TFCP2L1: variants seen among roughly 807,000 people sequenced by gnomAD.
TFCP2L1 encodes the protein transcription factor CP2-like protein 1.
A neutral mutation model predicts 72.2 loss-of-function variants in TFCP2L1; 12 were observed. The observed-to-expected ratio is 0.17, with a 90% CI of 0.11 to 0.27. TFCP2L1 has a LOEUF of 0.27. Among genes scored for constraint, TFCP2L1 ranks in the 10% least tolerant of loss-of-function variants. TFCP2L1 has a pLI of 1.00. For synonymous variants in TFCP2L1, 260 were observed against 251.0 expected (o/e 1.04, Z -0.34); for missense variants, 488 against 624.6 (o/e 0.78, Z 2.33).
chr2:121,261,111 G>A (rs904601758), intron 2 of TFCP2L1, among the ~76,000 whole-genome samples: 14 of 152,246 alleles, frequency 9.2e-5, no homozygotes, highest in African/African-American at 2.9e-4. Flanking sequence ...GACACAGAGC[G>A]CTCACACAGA....
Position 121,246,976 on chromosome 2 carries a change from A to T in TFCP2L1, c.505-6T>A. On this transcript the variant is annotated splice_polypyrimidine_tract_variant and splice_region_variant and intron_variant, in intron 5 of 14. Coordinates refer to ENST00000263707, the MANE Select transcript of TFCP2L1 (RefSeq NM_014553.3). Reference sequence around the variant, plus strand: ...TCTGTGCTGATGCAGTGTACCTGGGAGGAGAAACGTTGGGCAGGTGGCAAG... The same window carrying T: ...TCTGTGCTGATGCAGTGTACCTGGGTGGAGAAACGTTGGGCAGGTGGCAAG... 6.2e-7 allele frequency: 1 copy of T among 1,613,852 alleles called. No individual in the cohort carries two copies. The highest frequency in any genetic ancestry group is 1.7e-5 in the Admixed American group (1 of 60,004).
chr2:121,262,459 G>A (rs1017560060), intron 2 of TFCP2L1, among the ~76,000 whole-genome samples: 6 of 152,010 alleles, frequency 3.9e-5, no homozygotes, highest in Non-Finnish European at 7.4e-5. Context: ...GTGAGACTCC[G>A]TCTCAAAAAA....
rs908866344 is a variant in TFCP2L1, at chr2:121,239,470, G to A, written c.860+88C>T. On this transcript the variant is annotated intron_variant, in intron 8 of 14. Coordinates refer to ENST00000263707, the MANE Select transcript of TFCP2L1 (RefSeq NM_014553.3). ...AGCTACCCTGAAACCCAAACAGAAA[G>A]GAGAGGAGACCCAGAAAGGAAGACT... The A allele has an allele frequency of 4.2e-6, 6 of 1,435,570 alleles. No homozygotes were observed. The Admixed American group carries it at 5.2e-5, about 12-fold the overall frequency. 88.9% of individuals were successfully genotyped at this position (1,435,570 alleles called of 1,614,324 possible).
Position 121,231,980 on chromosome 2 carries a change from A to G in TFCP2L1, c.1199-12T>C. On this transcript the variant is annotated splice_polypyrimidine_tract_variant and intron_variant, in intron 12 of 14. Transcript: ENST00000263707. ...GATGGCGTGGTACACTGGGGGAAGG[A>G]GGAGCAAGTGCTGCTTTCCAAGTGG... is the stretch of plus-strand genomic sequence containing the variant. 6.4e-7 allele frequency: 1 copy of G among 1,572,246 alleles called. No homozygotes were observed. The highest frequency in any genetic ancestry group is 1.7e-5 in the Admixed American group (1 of 57,512).
intron 1 of TFCP2L1, 56 bp from the exon 2 acceptor site, chr2:121,281,327 G>C (rs1180193590): frequency 1.5e-5 from 23 of 1,522,550 alleles, no homozygotes; most frequent in Non-Finnish European, 1.9e-5. Flanking sequence ...CTCCTGCACA[G>C]AGCCAGGGCG....
Position 121,237,788 on chromosome 2 carries a change from G to T in TFCP2L1, c.909+14C>A. 5.6e-6 allele frequency: 9 copies of T among 1,614,148 alleles called. No homozygotes were observed. Among genetic ancestry groups the T allele is most frequent in the Non-Finnish European group, 7.6e-6 (9 of 1,180,032 alleles). ...GAGGGACCACCAGCCAGAAAGCCCT[G>T]CTCAGACACTTACGTCACTGCCCAC... is the stretch of plus-strand genomic sequence containing the variant. On this transcript the variant is annotated intron_variant, in intron 9 of 14. Transcript: ENST00000263707.
chr2:121,247,251 A>G (rs1481639512), intron 5 of TFCP2L1, among the ~76,000 whole-genome samples: 1 of 152,084 alleles, frequency 6.6e-6, no homozygotes, highest in Non-Finnish European at 1.5e-5. Flanking sequence ...ACTGACCCCA[A>G]TAACCTCAAC....
Position 121,265,894 on chromosome 2 carries a change from C to T in TFCP2L1, c.214+15226G>A, listed in dbSNP as rs1573389303. Among the ~76,000 whole-genome samples the T allele has an allele frequency of 3.4e-5, 5 of 145,976 alleles. 1 individual carries two copies. ...TTTTTTTTTTTTTTTGAGACAGGGT[C>T]TCACTCTGTGGCCCAGGCTGAAGTG... On this transcript the variant is annotated intron_variant, in intron 2 of 14. Coordinates refer to ENST00000263707, the MANE Select transcript of TFCP2L1 (RefSeq NM_014553.3).
At chr2:121,243,326 G>A (rs564940592) in intron 6 of TFCP2L1, among the ~76,000 whole-genome samples, 8 of 152,332 alleles carry the variant, frequency 5.3e-5, no homozygotes, top group Non-Finnish European at 1.2e-4. Flanking sequence ...GCACCTTGAG[G>A]GATTTTCATT....
In TFCP2L1 at chr2:121,234,250, C is replaced by G. The variant is rs1359900665; in HGVS notation, c.1095-56G>C. The G allele has an allele frequency of 5.4e-6, 8 of 1,488,714 alleles. No individual in the cohort carries two copies. The East Asian group carries it at 1.8e-4, about 34-fold the overall frequency. The allele number at this position is 1,488,714 out of a possible 1,614,324, so 92.2% of individuals were successfully genotyped here. A position where few individuals can be genotyped will look rare whatever the true frequency, so the allele number is the denominator to read the frequency against. The stretch of plus-strand genomic sequence containing the variant: ...TGTGGTGGACCAGGCGCAGTTGTTT[C>G]AGAATATTCCAGGATGGAAACAATA... On this transcript the variant is annotated intron_variant, in intron 11 of 14. Coordinates refer to ENST00000263707, the MANE Select transcript of TFCP2L1 (RefSeq NM_014553.3).
chr2:121,245,631 G>A (rs980938854), intron 6 of TFCP2L1, among the ~76,000 whole-genome samples: 2 of 152,220 alleles, frequency 1.3e-5, no homozygotes, highest in Admixed American at 6.5e-5. Flanking sequence ...GCCCGGCTGT[G>A]TGGTCTCCTG....
chr2:121,237,954 A>G, intron 8 of TFCP2L1, 104 bp from the exon 9 acceptor site: 1 of 1,252,384 alleles, frequency 8.0e-7, no homozygotes. Context: ...CAGATGCAGG[A>G]TTTGTTCTAA....
intron 4 of TFCP2L1, among the ~76,000 whole-genome samples, chr2:121,248,554 C>A (rs750046848): frequency 6.6e-6 from 1 of 152,156 alleles, no homozygotes; most frequent in Non-Finnish European, 1.5e-5. Context: ...GTACACACAT[C>A]GTATTGTCAT....
rs1686280731 is a variant in TFCP2L1 at position 121,237,715 on chromosome 2, T to C, written c.911A>G (p.His304Arg). The C allele has an allele frequency of 6.2e-7, 1 of 1,613,936 alleles. No individual in the cohort carries two copies. The highest frequency in any genetic ancestry group is 1.3e-5 in the African/African-American group (1 of 74,892). Residue 304 changes from histidine (H) to arginine (R), a missense_variant and splice_region_variant, in exon 10 of 15, where the codon CAC (histidine) becomes CGC (arginine). His to Arg is a conservative substitution (Grantham distance 29). This residue lies in a region of TFCP2L1 where 286 missense variants were observed against 329.0 expected (regional missense o/e 0.87). Coordinates refer to ENST00000263707, the MANE Select transcript of TFCP2L1 (RefSeq NM_014553.3). ...PVEALPVGSD[H>R]LLPSASIQDA... ...CTGGATCGAAGCTGATGGGAGCAGG[T>C]GCTGTGAGCAGAGGGGAGAGGCCTT...
intron 2 of TFCP2L1, among the ~76,000 whole-genome samples, chr2:121,272,926 T>C (rs1687072295): frequency 2.0e-5 from 3 of 152,184 alleles, no homozygotes; most frequent in Admixed American, 6.5e-5. Context: ...GTCAGATATC[T>C]GGTCTACCTC....
At chr2:121,284,941 G>T in intron 1 of TFCP2L1, 107 bp downstream of exon 1, 1 of 988,346 alleles carries the variant, frequency 1.0e-6, no homozygotes, top group Non-Finnish European at 1.3e-6. Context: ...CGGACAGCGG[G>T]GAGGCCAGGG....
intron 5 of TFCP2L1, 59 bp downstream of exon 5, chr2:121,248,105 C>A: frequency 4.0e-6 from 6 of 1,491,626 alleles, no homozygotes; most frequent in Admixed American, 1.8e-5. Flanking sequence ...TGAGAAACTG[C>A]ACGCAGGCCA....
chr2:121,258,274 C>G (rs1686766311), intron 2 of TFCP2L1, among the ~76,000 whole-genome samples: 7 of 152,164 alleles, frequency 4.6e-5, no homozygotes, highest in Admixed American at 4.6e-4. Flanking sequence ...CAAGCCACAG[C>G]CTATGGGGCA....
In TFCP2L1 at chr2:121,277,262, A is replaced by G. The variant is rs35150432; in HGVS notation, c.214+3858T>C. The stretch of plus-strand genomic sequence containing the variant: ...CACCTATAGTCACAGCTACTCAGGA[A>G]GCTGAGGAGGGAGGATCACTTGAGC... On this transcript the variant is annotated intron_variant, in intron 2 of 14. Coordinates refer to ENST00000263707, the MANE Select transcript of TFCP2L1 (RefSeq NM_014553.3). 5.6e-3 allele frequency among the ~76,000 whole-genome samples: 857 copies of G among 152,324 alleles called. 9 individuals are homozygous for G. Among genetic ancestry groups the G allele is most frequent in the African/African-American group, 0.019 (809 of 41,560 alleles).
Sources: allele counts gnomAD v4.1 joint callset (sites outside exome capture counted in the v4.1 genomes callset), GRCh38; gene constraint gnomAD v4.1.1; regional missense constraint gnomAD v4.1.1; transcripts MANE v1.5; gene names NCBI Gene and HGNC (gene_info 2026-07-23, HGNC 2026-07-21).